The following DYNC2H1 variants were observed in gnomAD, a reference collection of about 807,000 sequenced individuals.
The protein encoded by DYNC2H1 is cytoplasmic dynein 2 heavy chain 1.
A neutral mutation model predicts 570.0 loss-of-function variants in DYNC2H1; 410 were observed. The ratio of observed to expected loss-of-function variants is 0.72; its 90% CI spans 0.66 to 0.78. DYNC2H1 has a LOEUF of 0.78. Among genes scored for constraint, DYNC2H1 ranks in the 30% least tolerant of loss-of-function variants. The pLI is 0.00. For missense variants in DYNC2H1, 4,865 were observed against 5,046.4 expected (o/e 0.96, Z 1.09); for synonymous variants, 1,688 against 1,677.6 (o/e 1.01, Z -0.15).
rs1241096174 is a variant in DYNC2H1, at chr11:103,243,990, T to A, written c.9918+199T>A. The stretch of plus-strand genomic sequence containing the variant: ...ATATTTATTTGATTCTGGGTATTGA[T>A]CTAAGCCCTGGGAATTTAATAGTGA... On this transcript the variant is annotated intron_variant, in intron 64 of 88. Transcript: ENST00000375735. The surrounding 1 kb of genome is among the most constrained non-coding windows in gnomAD (Gnocchi z 4.8). Among the ~76,000 whole-genome samples, 1 of 152,096 alleles carries A rather than the reference T, an allele frequency of 6.6e-6. No individual in the cohort carries two copies. Among genetic ancestry groups the A allele is most frequent in the Admixed American group, 6.6e-5 (1 of 15,248 alleles).
At chr11:103,382,503 C>A (rs1021344656) in intron 83 of DYNC2H1, among the ~76,000 whole-genome samples, 3 of 152,146 alleles carry the variant, frequency 2.0e-5, no homozygotes, top group African/African-American at 7.2e-5. Context: ...TTGATAATTT[C>A]TTCCTCTCAG....
At chr11:103,391,370 A>G (rs973869901) in intron 83 of DYNC2H1, among the ~76,000 whole-genome samples, 4 of 152,144 alleles carry the variant, frequency 2.6e-5, no homozygotes, top group Non-Finnish European at 5.9e-5. Flanking sequence ...GGACTTCTCT[A>G]CACTGGTTAT....
intron 84 of DYNC2H1, among the ~76,000 whole-genome samples, chr11:103,432,183 C>T (rs186085061): frequency 1.4e-4 from 21 of 152,180 alleles, no homozygotes; most frequent in Non-Finnish European, 2.6e-4. Context: ...ATATCACAAT[C>T]CGACTGACAA....
At chr11:103,250,342 T>A (rs1476337688) in intron 65 of DYNC2H1, among the ~76,000 whole-genome samples, 1 of 152,066 alleles carries the variant, frequency 6.6e-6, no homozygotes, top group Non-Finnish European at 1.5e-5. Flanking sequence ...AATACCAACT[T>A]TCAATTTTTA....
intron 80 of DYNC2H1, among the ~76,000 whole-genome samples, chr11:103,320,365 G>A (rs1938110798): frequency 6.6e-6 from 1 of 152,096 alleles, no homozygotes; most frequent in Non-Finnish European, 1.5e-5. Flanking sequence ...TCGCGTCATT[G>A]CACTCCAGCC....
intron 84 of DYNC2H1, among the ~76,000 whole-genome samples, chr11:103,421,478 G>A (rs753782148): frequency 6.6e-6 from 1 of 152,050 alleles, no homozygotes; most frequent in Non-Finnish European, 1.5e-5. Flanking sequence ...CTCAGCAAAT[G>A]CAAAAGAACT....
intron 31 of DYNC2H1, among the ~76,000 whole-genome samples, chr11:103,167,564 G>A (rs970431660): frequency 5.9e-5 from 9 of 152,014 alleles, no homozygotes; most frequent in African/African-American, 1.4e-4. Flanking sequence ...CTCTTTGCCC[G>A]GCAATAATAG....
rs545203465 is a variant in DYNC2H1, at chr11:103,295,900, C to T, written c.11096-7193C>T. On this transcript the variant is annotated intron_variant, in intron 75 of 88. Transcript: ENST00000375735. The stretch of plus-strand genomic sequence containing the variant: ...GTCTCAGGATGTTAATCCACTGGGT[C>T]TGAGTGCCCTCGATAAAATCCTCCT... Among the ~76,000 whole-genome samples, 4 of 152,308 alleles carry T rather than the reference C, an allele frequency of 2.6e-5. No homozygotes were observed. In the South Asian group the frequency reaches 6.2e-4, roughly 24 times the overall value.
In DYNC2H1 at chr11:103,151,168, A is replaced by G. The variant is rs2134868556; in HGVS notation, c.2947-968A>G. Among the ~76,000 whole-genome samples the G allele has an allele frequency of 6.6e-6, 1 of 152,242 alleles. No homozygotes were observed. Among genetic ancestry groups the G allele is most frequent in the African/African-American group, 2.4e-5 (1 of 41,548 alleles). On this transcript the variant is annotated intron_variant, in intron 20 of 88. Transcript: ENST00000375735. This position sits in a 1 kb window ranked among gnomAD's most constrained non-coding sequence, Gnocchi z 4.6. Reference sequence around the variant, plus strand: ...TTAAAATCCTGAGGTGTCCAATCATAGTTCACTGCAGCCTCAAACTCCTGG... The same window carrying G: ...TTAAAATCCTGAGGTGTCCAATCATGGTTCACTGCAGCCTCAAACTCCTGG...
intron 85 of DYNC2H1, among the ~76,000 whole-genome samples, chr11:103,452,937 A>G (rs1944660355): frequency 6.6e-6 from 1 of 152,032 alleles, no homozygotes; most frequent in African/African-American, 2.4e-5. Flanking sequence ...TGTTATAATA[A>G]TGGAGGTAAA....
chr11:103,143,016 T>C (rs182986301), intron 17 of DYNC2H1, among the ~76,000 whole-genome samples: 371 of 152,344 alleles, frequency 2.4e-3, no homozygotes, highest in Admixed American at 5.1e-3. Context: ...ATTATTTAAT[T>C]TGAGAAGAGA....
At position 103,170,871 on chromosome 11, in the gene DYNC2H1, A is replaced by T; in HGVS notation, c.5152-15A>T. 3 of 1,448,254 alleles carry T rather than the reference A, an allele frequency of 2.1e-6. No homozygotes were observed. Among genetic ancestry groups the T allele is most frequent in the Non-Finnish European group, 2.7e-6 (3 of 1,090,948 alleles). The allele number at this position is 1,448,254 out of a possible 1,614,324, so 89.7% of individuals were successfully genotyped here. A position where few individuals can be genotyped will look rare whatever the true frequency, so the allele number is the denominator to read the frequency against. On this transcript the variant is annotated splice_polypyrimidine_tract_variant and intron_variant, in intron 33 of 88. Transcript: ENST00000375735. This position sits in a 1 kb window ranked among gnomAD's most constrained non-coding sequence, Gnocchi z 4.8. ...TTATTTTTTAATGACTATAATTTTT[A>T]TTGTTGTTTTTAAGGGCATCGATGT...
intron 84 of DYNC2H1, among the ~76,000 whole-genome samples, chr11:103,420,161 C>G (rs987731854): frequency 6.6e-6 from 1 of 151,638 alleles, no homozygotes; most frequent in Non-Finnish European, 1.5e-5. Context: ...CTCTGACTGA[C>G]TAGGATATCT....
At chr11:103,464,442 G>T (rs570718773) in intron 87 of DYNC2H1, among the ~76,000 whole-genome samples, 5 of 152,214 alleles carry the variant, frequency 3.3e-5, no homozygotes, top group South Asian at 2.1e-4. Context: ...ACAGAGAAGA[G>T]AAATTTGAAA....
intron 85 of DYNC2H1, among the ~76,000 whole-genome samples, chr11:103,445,033 A>C (rs1409257666): frequency 6.6e-6 from 1 of 152,198 alleles, no homozygotes; most frequent in East Asian, 1.9e-4. Flanking sequence ...CTGACCAGTT[A>C]AGAGGTTATT....
chr11:103,322,293 AG>A (rs915609003), intron 81 of DYNC2H1, among the ~76,000 whole-genome samples: 1 of 152,166 alleles, frequency 6.6e-6, no homozygotes, highest in African/African-American at 2.4e-5. Context: ...TACCCCAACA[AG>A]TTTTCCAACT....
chr11:103,191,147 C>G (rs935631791), intron 45 of DYNC2H1, among the ~76,000 whole-genome samples: 1 of 149,312 alleles, frequency 6.7e-6, no homozygotes, highest in African/African-American at 2.5e-5. Context: ...TCAAGTGATT[C>G]TTCTGCCTTA....
At position 103,419,322 on chromosome 11, in the gene DYNC2H1, C is replaced by A. The variant is rs148451357; in HGVS notation, c.12367-16621C>A. Among the ~76,000 whole-genome samples the A allele has an allele frequency of 2.0e-5, 3 of 152,296 alleles. No homozygotes were observed. In the East Asian group the frequency reaches 5.8e-4, roughly 29 times the overall value. On this transcript the variant is annotated intron_variant, in intron 84 of 88. Transcript: ENST00000375735. ...CTTTAAGTGGTTCCGTGATCCCATT[C>A]CTCCTGACTGGATGAGACCTCCCAA...
chr11:103,407,421 C>G (rs1006052849), intron 84 of DYNC2H1: 15 of 151,828 alleles, frequency 9.9e-5, no homozygotes, highest in African/African-American at 3.4e-4. Flanking sequence ...CTATCAAAGT[C>G]ATTCTTTTAT....
Sources: gnomAD v4.1 joint callset for allele counts (sites outside exome capture counted in the v4.1 genomes callset) on GRCh38, gnomAD v4.1.1 for gene constraint, Gnocchi (gnomAD v3.1) non-coding constraint, MANE v1.5 for transcripts, NCBI Gene and HGNC (gene_info 2026-07-23, HGNC 2026-07-21) for gene names.